Variants in AVEN observed in about 807,000 individuals in gnomAD.
AVEN encodes the protein apoptosis and caspase activation inhibitor, also known as cell death regulator Aven.
Under a neutral mutation model 38.1 loss-of-function variants are expected in AVEN, and 41 were observed. That is an observed-to-expected ratio of 1.08 (90% CI 0.84 to 1.40). The LOEUF is 1.40. AVEN is among the 40% of genes most tolerant of loss of function. The pLI, the probability that AVEN is intolerant of heterozygous loss-of-function variation, is 0.00. For synonymous variants in AVEN, 206 were observed against 171.8 expected (o/e 1.20, Z -1.56); for missense variants, 605 against 438.8 (o/e 1.38, Z -3.38).
At chr15:33,875,825 A>T in intron 3 of AVEN, 100 bp downstream of exon 3, 1 of 1,155,630 alleles carries the variant, frequency 8.7e-7, no homozygotes, top group Non-Finnish European at 1.3e-6. Flanking sequence ...AAGAATTACT[A>T]CTCTTTTCTA....
intron 2 of AVEN, among the ~76,000 whole-genome samples, chr15:33,966,559 G>A (rs1056218419): frequency 3.3e-5 from 5 of 152,078 alleles, no homozygotes; most frequent in Non-Finnish European, 7.4e-5. Context: ...GTGGCTTTGA[G>A]CTTAGATGGA....
chr15:33,878,709 T>G (rs1339063492), intron 2 of AVEN, among the ~76,000 whole-genome samples: 3 of 152,176 alleles, frequency 2.0e-5, no homozygotes, highest in African/African-American at 7.2e-5. Context: ...TACGTATTAA[T>G]CTAATAATAT....
At chr15:33,939,855 G>A (rs1894248006) in intron 2 of AVEN, among the ~76,000 whole-genome samples, 1 of 152,182 alleles carries the variant, frequency 6.6e-6, no homozygotes, top group Non-Finnish European at 1.5e-5. Context: ...CCTCATGAAT[G>A]AAATTAATAT....
rs1899308929 is a variant in AVEN at position 34,038,878 on chromosome 15, G to A, written c.169C>T (p.Arg57Trp). 6.1e-6 allele frequency: 7 copies of A among 1,140,474 alleles called. No homozygotes were observed. In the South Asian group the frequency reaches 1.2e-4, roughly 20 times the overall value. The allele number at this position is 1,140,474 out of a possible 1,614,324, so 70.6% of individuals were successfully genotyped here. ...CCTCCGCGAGCGCCGCGGAAGCCCC[G>A]GCCACGGCCACGGCCCCGGCGTCCG... ...GGGRRGRGRG[R>W]GFRGARGGRG... Residue 57 changes from arginine (R) to tryptophan (W), a missense_variant, in exon 1 of 6, where the codon CGG becomes TGG. Arg to Trp is a moderately radical substitution (Grantham distance 101, BLOSUM62 -3). Coordinates refer to ENST00000306730, the MANE Select transcript of AVEN (RefSeq NM_020371.3).
chr15:33,994,481 C>T lies in AVEN; in HGVS notation c.445+8551G>A, dbSNP rs528040536. Among the ~76,000 whole-genome samples the T allele has an allele frequency of 1.0e-3, 157 of 152,204 alleles. 1 individual carries two copies. Among genetic ancestry groups the T allele is most frequent in the Admixed American group, 1.5e-3 (23 of 15,290 alleles). On this transcript the variant is annotated intron_variant, in intron 2 of 5. Coordinates refer to ENST00000306730, the MANE Select transcript of AVEN (RefSeq NM_020371.3). The stretch of plus-strand genomic sequence containing the variant: ...AATAAAGCACATAATAAATGTAACA[C>T]GCTTGAATCATCCTGAAACCGTCAT...
chr15:33,953,902 C>CTAA (rs747977959), intron 2 of AVEN, among the ~76,000 whole-genome samples: 1 of 152,224 alleles, frequency 6.6e-6, no homozygotes, highest in Non-Finnish European at 1.5e-5. Context: ...TGGCAAAGGG[C>CTAA]TAATATCCAG....
At chr15:34,069,147 C>T (rs1290813199) in intron 2 of AVEN, among the ~76,000 whole-genome samples, 2 of 150,302 alleles carry the variant, frequency 1.3e-5, no homozygotes, top group African/African-American at 2.4e-5. Context: ...TTCGGCTGGG[C>T]GCGGTGGCTC....
intron 3 of AVEN, among the ~76,000 whole-genome samples, 160 bp downstream of exon 3, chr15:33,875,765 A>T (rs1172050234): frequency 6.6e-6 from 1 of 152,164 alleles, no homozygotes; most frequent in Non-Finnish European, 1.5e-5. Flanking sequence ...GACCTGTGGA[A>T]TTTCAGCCCC....
intron 2 of AVEN, among the ~76,000 whole-genome samples, chr15:33,999,865 C>T (rs1897072156): frequency 6.6e-6 from 1 of 152,212 alleles, no homozygotes. Flanking sequence ...TGTTATATCA[C>T]TCTTCTCTTC....
intron 2 of AVEN, among the ~76,000 whole-genome samples, chr15:33,900,495 A>G (rs1411610567): frequency 6.6e-6 from 1 of 151,982 alleles, no homozygotes; most frequent in Non-Finnish European, 1.5e-5. Flanking sequence ...TTTTGTAGAG[A>G]CATGGTTTTG....
chr15:33,865,828 A>T (rs1286988947), downstream of AVEN: 1 of 152,716 alleles, frequency 6.5e-6, no homozygotes, highest in Non-Finnish European at 1.5e-5. Context: ...TGTGTTCCAG[A>T]AGGACAGTTC....
At chr15:33,909,668 T>C (rs1052748456) in intron 2 of AVEN, among the ~76,000 whole-genome samples, 2 of 152,216 alleles carry the variant, frequency 1.3e-5, no homozygotes, top group East Asian at 1.9e-4. Flanking sequence ...TACACCAAGC[T>C]ACCAGTTAAA....
At chr15:34,028,836 C>T (rs1898623517) in intron 1 of AVEN, among the ~76,000 whole-genome samples, 1 of 151,780 alleles carries the variant, frequency 6.6e-6, no homozygotes. Flanking sequence ...AAACACACCA[C>T]CATCATCGGC....
intron 1 of AVEN, among the ~76,000 whole-genome samples, chr15:34,031,992 G>T (rs1898861198): frequency 6.8e-6 from 1 of 147,276 alleles, no homozygotes; most frequent in Admixed American, 7.1e-5. Context: ...ACTTATTTCT[G>T]GCACCTCAAC....
At chr15:33,890,029 G>C (rs1891867837) in intron 2 of AVEN, among the ~76,000 whole-genome samples, 1 of 152,246 alleles carries the variant, frequency 6.6e-6, no homozygotes, top group African/African-American at 2.4e-5. Context: ...GTCAAGGCGA[G>C]TTCCCTCTCC....
intron 1 of AVEN, among the ~76,000 whole-genome samples, chr15:34,004,879 ATG>A (rs1453671015): frequency 1.3e-5 from 2 of 152,174 alleles, no homozygotes; most frequent in Non-Finnish European, 2.9e-5. Flanking sequence ...TGGTTCAAAG[ATG>A]TGTCCCAAAC....
chr15:33,883,056 G>T (rs910659154), intron 2 of AVEN, among the ~76,000 whole-genome samples: 1 of 152,168 alleles, frequency 6.6e-6, no homozygotes, highest in Non-Finnish European at 1.5e-5. Flanking sequence ...ATCTCCAAGG[G>T]TAGGGGCTGA....
At chr15:33,978,687 A>G (rs992130513) in intron 2 of AVEN, among the ~76,000 whole-genome samples, 4 of 151,932 alleles carry the variant, frequency 2.6e-5, no homozygotes, top group Non-Finnish European at 5.9e-5. Context: ...AATAAATAAA[A>G]ATAAAAATAA....
chr15:33,857,947 C>T, downstream of AVEN: 1 of 1,610,414 alleles, frequency 6.2e-7, no homozygotes. Flanking sequence ...GCCAGCCCAC[C>T]CACTGCGGGG....
Sources: gnomAD v4.1 joint callset for allele counts (sites outside exome capture counted in the v4.1 genomes callset) on GRCh38, gnomAD v4.1.1 for gene constraint, MANE v1.5 for transcripts, NCBI Gene and HGNC (gene_info 2026-07-23, HGNC 2026-07-21) for gene names.